DLG2: variants seen among roughly 807,000 people sequenced by gnomAD.
DLG2 encodes disks large homolog 2.
In DLG2, 45 loss-of-function variants were observed where a neutral mutation model predicts 132.5. That is an observed-to-expected ratio of 0.34 (90% confidence interval 0.27 to 0.44). DLG2 has a LOEUF of 0.44. Ranked by LOEUF, DLG2 falls within the 20% of genes least tolerant of loss-of-function variation. The pLI, the probability that DLG2 is intolerant of heterozygous loss-of-function variation, is 1.00. For synonymous variants in DLG2, 424 were observed against 419.6 expected, an observed-to-expected ratio of 1.01 and a Z score of -0.13; for missense variants, 1,045 against 1,196.9, an observed-to-expected ratio of 0.87 and a Z score of 1.87.
chr11:83,684,716 C>T (rs73509223), intron 18 of DLG2, among the ~76,000 whole-genome samples: 9,100 of 152,138 alleles, frequency 0.06, 904 homozygotes, highest in African/African-American at 0.21. Context: ...GGCTTGGTCT[C>T]GAAGTCTTCT....
chr11:83,644,040 A>T, intron 18 of DLG2, among the ~76,000 whole-genome samples: 1 of 152,176 alleles, frequency 6.6e-6, no homozygotes, highest in East Asian at 1.9e-4. Flanking sequence ...CATGATCAAA[A>T]TGAAAAGGCT....
At chr11:85,508,109 ATCT>A (rs1337548634) in intron 3 of DLG2, among the ~76,000 whole-genome samples, 1 of 152,048 alleles carries the variant, frequency 6.6e-6, no homozygotes, top group Admixed American at 6.6e-5. Context: ...CATTCATCTA[ATCT>A]TCTTTCAAGG....
chr11:83,686,366 C>T (rs2079765672), intron 18 of DLG2, among the ~76,000 whole-genome samples: 1 of 151,956 alleles, frequency 6.6e-6, no homozygotes, highest in South Asian at 2.1e-4. Flanking sequence ...ATTTATAGTA[C>T]TTATCTCTGC....
At chr11:84,685,862 A>T (rs1055824046) in intron 6 of DLG2, among the ~76,000 whole-genome samples, 1 of 151,822 alleles carries the variant, frequency 6.6e-6, no homozygotes, top group African/African-American at 2.4e-5. Context: ...AATTTTTTGT[A>T]TTTTTTAGTA....
rs750481525 is a variant in DLG2, at chr11:83,833,783, A to G, written c.1566-13T>C. On this transcript the variant is annotated splice_polypyrimidine_tract_variant and intron_variant, in intron 16 of 27. Transcript: ENST00000376104. ...CTTGCGAGGCTCTCTGCAGAAAGAA[A>G]TAGAGAACACAGCTCAGAGGGTGAT... 5 of 1,613,016 alleles carry G rather than the reference A, an allele frequency of 3.1e-6. No individual in the cohort carries two copies. The highest frequency in any genetic ancestry group is 3.4e-6 in the Non-Finnish European group (4 of 1,179,414).
intron 6 of DLG2, among the ~76,000 whole-genome samples, chr11:84,843,235 T>C (rs1471471303): frequency 2.0e-5 from 3 of 151,750 alleles, no homozygotes; most frequent in Admixed American, 2.0e-4. Flanking sequence ...CCTTAAATTG[T>C]ATACATCAAA....
At chr11:83,920,140 C>T (rs189900312) in intron 15 of DLG2, among the ~76,000 whole-genome samples, 27 of 152,218 alleles carry the variant, frequency 1.8e-4, no homozygotes, top group African/African-American at 6.0e-4. Context: ...CCAGTGTACC[C>T]TCTCCTTTTA....
At chr11:84,491,034 G>C (rs2099163722) in intron 7 of DLG2, among the ~76,000 whole-genome samples, 1 of 152,014 alleles carries the variant, frequency 6.6e-6, no homozygotes, top group Admixed American at 6.6e-5. Flanking sequence ...GTTAGTGGTA[G>C]AGCTAGAGTA....
chr11:84,484,880 T>A (rs1055488284), intron 7 of DLG2, among the ~76,000 whole-genome samples: 1 of 152,186 alleles, frequency 6.6e-6, no homozygotes, highest in African/African-American at 2.4e-5. Context: ...AATAACCTAC[T>A]GGGGTCTTAA....
chr11:85,126,858 G>A (rs2075173050), intron 5 of DLG2, among the ~76,000 whole-genome samples: 1 of 152,308 alleles, frequency 6.6e-6, no homozygotes, highest in East Asian at 1.9e-4. Flanking sequence ...AAACAACGCT[G>A]TGAGATAGGT....
chr11:84,138,630 T>G (rs73515763), intron 9 of DLG2, among the ~76,000 whole-genome samples: 1 of 152,120 alleles, frequency 6.6e-6, no homozygotes, highest in African/African-American at 2.4e-5. Flanking sequence ...AATTCAGGAA[T>G]AGAGAAACAT....
At chr11:85,317,559 G>A (rs2080770342) in intron 3 of DLG2, among the ~76,000 whole-genome samples, 7 of 151,918 alleles carry the variant, frequency 4.6e-5, no homozygotes, top group Admixed American at 4.6e-4. Context: ...CTAAAATAGT[G>A]GTATGTGCTG....
chr11:84,867,849 T>C (rs2084828516), intron 6 of DLG2, among the ~76,000 whole-genome samples: 2 of 151,940 alleles, frequency 1.3e-5, no homozygotes, highest in South Asian at 2.1e-4. Flanking sequence ...CCAAGGCGGG[T>C]GGATCACGAA....
intron 4 of DLG2, among the ~76,000 whole-genome samples, chr11:85,268,428 C>G (rs2077344504): frequency 6.6e-6 from 1 of 152,140 alleles, no homozygotes; most frequent in African/African-American, 2.4e-5. Flanking sequence ...GGACTTCTTA[C>G]ATATATTGAT....
intron 7 of DLG2, among the ~76,000 whole-genome samples, chr11:84,292,989 T>C (rs888953986): frequency 3.3e-5 from 5 of 152,156 alleles, no homozygotes; most frequent in African/African-American, 9.7e-5. Context: ...AGACAGGCTG[T>C]AGGTTGGACA....
intron 3 of DLG2, among the ~76,000 whole-genome samples, chr11:85,544,831 T>C (rs929848726): frequency 6.6e-5 from 10 of 152,122 alleles, no homozygotes; most frequent in Admixed American, 4.6e-4. Context: ...TTTTTGCACA[T>C]TGATTTTGTA....
At chr11:84,953,723 A>G (rs1205482128) in intron 6 of DLG2, among the ~76,000 whole-genome samples, 2 of 152,208 alleles carry the variant, frequency 1.3e-5, no homozygotes, top group Admixed American at 6.5e-5. Context: ...TGCATACAAT[A>G]TGATGTCTCT....
chr11:85,083,532 TTA>T (rs2067517345), intron 6 of DLG2, among the ~76,000 whole-genome samples: 1 of 152,154 alleles, frequency 6.6e-6, no homozygotes, highest in Non-Finnish European at 1.5e-5. Flanking sequence ...CAGCTTGGTT[TTA>T]TATGTTTTAG....
chr11:84,171,977 A>G (rs1471025678), intron 8 of DLG2, among the ~76,000 whole-genome samples: 1 of 152,162 alleles, frequency 6.6e-6, no homozygotes, highest in Non-Finnish European at 1.5e-5. Flanking sequence ...TTCAAGTTAC[A>G]GCGCATTATC....
Sources: allele counts gnomAD v4.1 joint callset (sites outside exome capture counted in the v4.1 genomes callset), GRCh38; gene constraint gnomAD v4.1.1; transcripts MANE v1.5; gene names NCBI Gene and HGNC (gene_info 2026-07-23, HGNC 2026-07-21).